EFCAB7: variants seen among roughly 807,000 people sequenced by gnomAD.
EFCAB7 encodes EF-hand calcium binding domain 7.
EFCAB7 carries 66 observed loss-of-function variants against 77.1 expected under a neutral mutation model. That is an observed-to-expected ratio of 0.86 (90% CI 0.70 to 1.05). The LOEUF (loss-of-function observed/expected upper bound fraction) is 1.05, where lower values mean the gene tolerates loss of function less well. Ranked by LOEUF, EFCAB7 falls within the 50% of genes least tolerant of loss-of-function variation. The probability of loss-of-function intolerance (pLI) is 0.00; values close to 1 mark genes in which losing one functional copy is unlikely to be tolerated. For synonymous variants in EFCAB7, 225 were observed against 243.3 expected (o/e 0.92, Z 0.70); for missense variants, 638 against 730.5 (o/e 0.87, Z 1.46).
At chr1:63,561,675 TTATG>T (rs750041444) in intron 10 of EFCAB7, 30 bp from the exon 11 acceptor site, 9 of 1,429,482 alleles carry the variant, frequency 6.3e-6, no homozygotes, top group Non-Finnish European at 8.5e-6. Context: ...AATTTTTAAA[TTATG>T]TAAGAAAAAA....
intron 2 of EFCAB7, chr1:63,529,012 T>G (rs988152268): frequency 2.6e-5 from 4 of 152,160 alleles, no homozygotes; most frequent in Admixed American, 6.5e-5. Flanking sequence ...TCCCAGCTTT[T>G]AAAGGGTAGG....
At chr1:63,569,984 A>G (rs1647218011) in intron 12 of EFCAB7, 1 of 152,208 alleles carries the variant, frequency 6.6e-6, no homozygotes, top group African/African-American at 2.4e-5. Flanking sequence ...CTCAAGGAAA[A>G]TTCAACTCTC....
At chr1:63,548,344 G>T (rs994194020) in intron 7 of EFCAB7, 1 of 152,030 alleles carries the variant, frequency 6.6e-6, no homozygotes, top group Non-Finnish European at 1.5e-5. Context: ...TTTCCCCCTC[G>T]TTTTTTGTGA....
intron 11 of EFCAB7, among the ~76,000 whole-genome samples, chr1:63,564,418 AG>A (rs367580903): frequency 1.2e-3 from 181 of 152,298 alleles, no homozygotes; most frequent in African/African-American, 4.3e-3. Flanking sequence ...CACCAACAAT[AG>A]TCAAGTCAAG....
rs184269237 is a variant in EFCAB7, at chr1:63,525,364, T to G, written c.-1-208T>G. ...TAACTGCCAAAGGCTTATTCTTGTT[T>G]AATATATAATACGTCCATATACAAC... On this transcript the variant is annotated intron_variant, in intron 1 of 13. Coordinates refer to ENST00000371088, the MANE Select transcript of EFCAB7 (RefSeq NM_032437.4). Among the ~76,000 whole-genome samples the G allele has an allele frequency of 1.0e-3, 157 of 152,302 alleles. 1 individual carries two copies. Among genetic ancestry groups the G allele is most frequent in the African/African-American group, 3.6e-3 (149 of 41,564 alleles).
At position 63,571,011 on chromosome 1, in the gene EFCAB7, T is replaced by C; in HGVS notation, c.1708-10T>C. 1 of 1,579,998 alleles carries C rather than the reference T, an allele frequency of 6.3e-7. No homozygotes were observed. The highest frequency in any genetic ancestry group is 8.6e-7 in the Non-Finnish European group (1 of 1,160,322). On this transcript the variant is annotated splice_polypyrimidine_tract_variant and intron_variant, in intron 12 of 13. Coordinates refer to ENST00000371088, the MANE Select transcript of EFCAB7 (RefSeq NM_032437.4). ...AAGGAATAGCAGCTTATGAAATCTT[T>C]TTTTAATAGTCAGATGAGAAAGTGA...
chr1:63,536,197 T>C (rs987789013), intron 6 of EFCAB7, among the ~76,000 whole-genome samples: 5 of 152,226 alleles, frequency 3.3e-5, no homozygotes, highest in African/African-American at 1.2e-4. Context: ...ATGTAATGTC[T>C]TTTGGAAATA....
At chr1:63,552,217 C>T (rs1646974185) in intron 8 of EFCAB7, among the ~76,000 whole-genome samples, 1 of 151,978 alleles carries the variant, frequency 6.6e-6, no homozygotes, top group South Asian at 2.1e-4. Context: ...GGCAACATAA[C>T]CAGACCCTGT....
At chr1:63,539,034 C>T (rs937687775) in intron 6 of EFCAB7, among the ~76,000 whole-genome samples, 1 of 152,064 alleles carries the variant, frequency 6.6e-6, no homozygotes, top group Admixed American at 6.6e-5. Context: ...CACAAATTCT[C>T]TTCTATTATA....
At chr1:63,572,353 C>G (rs1647286532) in intron 13 of EFCAB7, 89 bp from the exon 14 acceptor site, 8 of 1,034,804 alleles carry the variant, frequency 7.7e-6, no homozygotes, top group Non-Finnish European at 1.1e-5. Flanking sequence ...TATTCTTATA[C>G]AAGGCCTAGA....
chr1:63,538,402 GA>G (rs1646788016), intron 6 of EFCAB7, among the ~76,000 whole-genome samples: 1 of 151,844 alleles, frequency 6.6e-6, no homozygotes, highest in African/African-American at 2.4e-5. Context: ...AGGTCCTAGA[GA>G]AAAAGCTTTG....
intron 2 of EFCAB7, among the ~76,000 whole-genome samples, chr1:63,530,778 G>A (rs1422521139): frequency 6.6e-6 from 1 of 152,130 alleles, no homozygotes; most frequent in Non-Finnish European, 1.5e-5. Flanking sequence ...TGAAAGCTTA[G>A]TACCTAGCAA....
intron 2 of EFCAB7, chr1:63,529,146 C>A (rs943249408): frequency 2.0e-5 from 3 of 152,138 alleles, no homozygotes; most frequent in Admixed American, 2.0e-4. Context: ...GTTGCTAGGG[C>A]AGCATGGTAA....
At chr1:63,555,627 C>T in intron 9 of EFCAB7, 112 bp downstream of exon 9, 1 of 871,076 alleles carries the variant, frequency 1.1e-6, no homozygotes, top group Non-Finnish European at 1.7e-6. Flanking sequence ...TTCTAATTCA[C>T]CAATTCAACT....
At chr1:63,579,941 T>C in the EFCAB7 span, among the ~76,000 whole-genome samples, 1 of 152,212 alleles carries the variant, frequency 6.6e-6, no homozygotes, top group Non-Finnish European at 1.5e-5. Context: ...TTTCTTACCA[T>C]TTGATTCTTT....
At chr1:63,580,948 G>GT in the EFCAB7 span, among the ~76,000 whole-genome samples, 406 of 145,286 alleles carry the variant, frequency 2.8e-3, 4 homozygotes, top group South Asian at 0.026. Context: ...TCCTAGGAAG[G>GT]TTTTTTTTTA....
In EFCAB7 at chr1:63,532,655, G is replaced by GT. The variant is rs72163225; in HGVS notation, c.400-4dup. The GT allele has an allele frequency of 0.079, 77,737 of 986,718 alleles. 1 individual carries two copies. Among genetic ancestry groups the GT allele is most frequent in the South Asian group, 0.1 (5,379 of 52,570 alleles). The allele number at this position is 986,718 out of a possible 1,614,324, so 61.1% of individuals were successfully genotyped here. A position where few individuals can be genotyped will look rare whatever the true frequency, so the allele number is the denominator to read the frequency against. ...ATCATGTTGCTTTAAAATAAATCTT[G>GT]TTTTTTTTTTTCAGAGAGGTGAGAA... On this transcript the variant is annotated splice_polypyrimidine_tract_variant and intron_variant, in intron 3 of 13. Coordinates refer to ENST00000371088, the MANE Select transcript of EFCAB7 (RefSeq NM_032437.4).
intron 11 of EFCAB7, among the ~76,000 whole-genome samples, chr1:63,562,495 A>ATATATATATATATATATAT (rs1159517087): frequency 1.4e-5 from 1 of 72,852 alleles, no homozygotes. Context: ...ATATATATAT[A>ATATATATATATATATATAT]AAACTTTTTT....
At chr1:63,581,945 G>A in the EFCAB7 span, among the ~76,000 whole-genome samples, 8 of 152,224 alleles carry the variant, frequency 5.3e-5, no homozygotes, top group Non-Finnish European at 8.8e-5. Flanking sequence ...CGAGACAAAC[G>A]TAAACAAACG....
Sources: allele counts gnomAD v4.1 joint callset (sites outside exome capture counted in the v4.1 genomes callset), GRCh38; gene constraint gnomAD v4.1.1; transcripts MANE v1.5; gene names NCBI Gene and HGNC (gene_info 2026-07-23, HGNC 2026-07-21).